Variants in RGS12 observed in about 807,000 individuals in gnomAD.
RGS12 encodes the protein regulator of G protein signaling 12.
Under a neutral mutation model 120.1 loss-of-function variants are expected in RGS12, and 66 were observed. That is an observed-to-expected ratio of 0.55 (90% CI 0.45 to 0.67). The LOEUF (loss-of-function observed/expected upper bound fraction) is 0.67. Among genes scored for constraint, RGS12 ranks in the 30% least tolerant of loss-of-function variants. The probability of loss-of-function intolerance (pLI) is 0.00; values close to 1 mark genes in which losing one functional copy is unlikely to be tolerated. For synonymous variants in RGS12, 827 were observed against 804.7 expected (o/e 1.03, Z -0.47); for missense variants, 1,859 against 1,957.7 (o/e 0.95, Z 0.95).
At chr4:3,371,842 C>T (rs902381907) in intron 3 of RGS12, among the ~76,000 whole-genome samples, 4 of 152,174 alleles carry the variant, frequency 2.6e-5, no homozygotes, top group African/African-American at 7.2e-5. Flanking sequence ...TCCGCAGCAG[C>T]GCTCTTTTGG....
At chr4:3,380,656 C>A (rs1035071733) in intron 3 of RGS12, among the ~76,000 whole-genome samples, 11 of 152,238 alleles carry the variant, frequency 7.2e-5, no homozygotes, top group Non-Finnish European at 1.5e-4. Flanking sequence ...AGGCTTGAGG[C>A]TTTCACCCTC....
intron 1 of RGS12, among the ~76,000 whole-genome samples, chr4:3,299,868 C>T (rs1429686282): frequency 2.2e-4 from 33 of 152,126 alleles, no homozygotes; most frequent in Non-Finnish European, 1.5e-5. Context: ...TTCCAGAGGC[C>T]CATGACCCCT....
At chr4:3,335,476 G>A (rs749688302) in intron 2 of RGS12, among the ~76,000 whole-genome samples, 4 of 152,132 alleles carry the variant, frequency 2.6e-5, no homozygotes, top group Non-Finnish European at 4.4e-5. Context: ...CAGGGTCTCC[G>A]CATCACCTTC....
chr4:3,360,891 C>T (rs938656163), intron 3 of RGS12, among the ~76,000 whole-genome samples: 1 of 152,218 alleles, frequency 6.6e-6, no homozygotes, highest in African/African-American at 2.4e-5. Context: ...AGACATTTTA[C>T]TACAGGTGCT....
chr4:3,424,742 C>T (rs941734947), intron 13 of RGS12, among the ~76,000 whole-genome samples: 3 of 152,190 alleles, frequency 2.0e-5, no homozygotes, highest in East Asian at 1.9e-4. Context: ...TTTCCTTGGA[C>T]GCTGTCTCCT....
chr4:3,395,906 A>G lies in RGS12; in HGVS notation c.2020+9469A>G, dbSNP rs1254485977. ...CCCTTGAGGATACCAAAATCTGCAG[A>G]TACTTGAGTCCCTGATATAAAATGG... On this transcript the variant is annotated intron_variant, in intron 4 of 17. Transcript: ENST00000336727. 2.0e-5 allele frequency among the ~76,000 whole-genome samples: 3 copies of G among 152,194 alleles called. No homozygotes were observed. In the South Asian group the frequency reaches 6.2e-4, roughly 32 times the overall value.
Position 3,358,691 on chromosome 4 carries a change from G to T in RGS12, c.1998+15638G>T, listed in dbSNP as rs546864154. Among the ~76,000 whole-genome samples, 3 of 152,076 alleles carry T rather than the reference G, an allele frequency of 2.0e-5. No individual in the cohort carries two copies. In the South Asian group the frequency reaches 6.2e-4, roughly 32 times the overall value. ...TAGGAATAAATTCCACTTGGTGATG[G>T]TGTATAATCCTTTTAATATGCTGCT... On this transcript the variant is annotated intron_variant, in intron 3 of 17. Coordinates refer to ENST00000336727, the MANE Select transcript of RGS12 (RefSeq NM_001394154.1).
chr4:3,308,750 C>A (rs556273918), intron 1 of RGS12, among the ~76,000 whole-genome samples: 20 of 152,338 alleles, frequency 1.3e-4, no homozygotes, highest in South Asian at 1.2e-3. Flanking sequence ...CCTTTGCATT[C>A]GAAGATTCTT....
intron 7 of RGS12, among the ~76,000 whole-genome samples, chr4:3,416,529 C>A (rs570506970): frequency 6.6e-6 from 1 of 152,178 alleles, no homozygotes; most frequent in Non-Finnish European, 1.5e-5. Flanking sequence ...CGCTGCGGCA[C>A]GTGGGTCACG....
chr4:3,417,120 C>T, intron 8 of RGS12, 28 bp downstream of exon 8: 1 of 1,561,304 alleles, frequency 6.4e-7, no homozygotes, highest in African/African-American at 1.4e-5. Context: ...GGCCTCACGC[C>T]CCTGTGGGTT....
chr4:3,431,770 A>C, intron 17 of RGS12: 1 of 985,578 alleles, frequency 1.0e-6, no homozygotes, highest in Non-Finnish European at 1.2e-6. Flanking sequence ...GGGTGCGTGG[A>C]CACCTCTGCT....
intron 3 of RGS12, chr4:3,378,026 T>C (rs913329404): frequency 9.9e-5 from 15 of 152,220 alleles, no homozygotes; most frequent in Non-Finnish European, 1.9e-4. Context: ...TGTACTTTTT[T>C]TGTAAGTATA....
chr4:3,387,343 C>T (rs1260416831), intron 4 of RGS12, among the ~76,000 whole-genome samples: 1 of 152,218 alleles, frequency 6.6e-6, no homozygotes, highest in Non-Finnish European at 1.5e-5. Flanking sequence ...CTGCTGGCCT[C>T]AGTCCTCGGC....
intron 2 of RGS12, among the ~76,000 whole-genome samples, chr4:3,319,731 C>T (rs770763354): frequency 6.6e-6 from 1 of 152,238 alleles, no homozygotes; most frequent in Non-Finnish European, 1.5e-5. Flanking sequence ...AGGCATGAGC[C>T]ACACGCGCCT....
At chr4:3,353,079 C>T (rs1244187613) in intron 3 of RGS12, among the ~76,000 whole-genome samples, 1 of 152,208 alleles carries the variant, frequency 6.6e-6, no homozygotes, top group Non-Finnish European at 1.5e-5. Flanking sequence ...AGGCCTCCGG[C>T]GTACTTTCCG....
At position 3,430,789 on chromosome 4, in the gene RGS12, C is replaced by G; in HGVS notation, c.3948C>G (p.Ile1316Met). Residue 1316 changes from isoleucine to methionine, a missense_variant, in exon 17 of 18, where the codon ATC (isoleucine) becomes ATG (methionine). Ile to Met is a conservative substitution (Grantham distance 10, BLOSUM62 1). Coordinates refer to ENST00000336727, the MANE Select transcript of RGS12 (RefSeq NM_001394154.1). ...VSLAQEGTAQ[I>M]WKRQSQEVEA... ...TCGCGCAGGAGGGCACCGCCCAGATCTGGAAGAGGCAGTCTCAGGAAGTGG... is the reference window on the plus strand; with the variant it reads ...TCGCGCAGGAGGGCACCGCCCAGATGTGGAAGAGGCAGTCTCAGGAAGTGG... 1 of 1,611,790 alleles carries G rather than the reference C, an allele frequency of 6.2e-7. No individual in the cohort carries two copies. Among genetic ancestry groups the G allele is most frequent in the Non-Finnish European group, 8.5e-7 (1 of 1,179,434 alleles).
At chr4:3,290,546 G>A (rs1005928935), upstream of RGS12, among the ~76,000 whole-genome samples, 1 of 152,258 alleles carries the variant, frequency 6.6e-6, no homozygotes, top group African/African-American at 2.4e-5. Context: ...GTGTTGGAAT[G>A]TGGGGGGACG....
chr4:3,412,010 A>G (rs1721789589), intron 4 of RGS12, among the ~76,000 whole-genome samples: 1 of 152,236 alleles, frequency 6.6e-6, no homozygotes, highest in Non-Finnish European at 1.5e-5. Flanking sequence ...CACACATTTG[A>G]TCTATAACAG....
rs1577109007 is a variant in RGS12, at chr4:3,433,206, T to C, written c.4114+2251T>C. Among the ~76,000 whole-genome samples the C allele has an allele frequency of 6.6e-6, 1 of 152,196 alleles. No homozygotes were observed. The highest frequency in any genetic ancestry group is 2.4e-5 in the African/African-American group (1 of 41,454). On this transcript the variant is annotated intron_variant, in intron 17 of 17. Coordinates refer to ENST00000336727, the MANE Select transcript of RGS12 (RefSeq NM_001394154.1). The surrounding 1 kb of genome is among the most constrained non-coding windows in gnomAD (Gnocchi z 4.4). ...TCATCCCGGGTCACGCTCTCCGACG[T>C]TGACAGTTGCTGTGGGATGCTTCCT...
Sources: gnomAD v4.1 joint callset for allele counts (sites outside exome capture counted in the v4.1 genomes callset) on GRCh38, gnomAD v4.1.1 for gene constraint, Gnocchi (gnomAD v3.1) non-coding constraint, MANE v1.5 for transcripts, NCBI Gene and HGNC (gene_info 2026-07-23, HGNC 2026-07-21) for gene names.